Variants in CDC25A observed in about 807,000 individuals in gnomAD.
CDC25A encodes the protein M-phase inducer phosphatase 1.
Under a neutral mutation model 64.6 loss-of-function variants are expected in CDC25A, and 17 were observed. The ratio of observed to expected loss-of-function variants is 0.26; its 90% CI spans 0.18 to 0.39. The LOEUF (loss-of-function observed/expected upper bound fraction) is 0.39. CDC25A is among the 10% of genes least tolerant of loss of function. The pLI is 1.00. For synonymous variants in CDC25A, 229 were observed against 238.6 expected, an observed-to-expected ratio of 0.96 and a Z score of 0.37; for missense variants, 473 against 654.8, an observed-to-expected ratio of 0.72 and a Z score of 3.03.
At chr3:48,176,570 T>C (rs1425586039) in intron 8 of CDC25A, among the ~76,000 whole-genome samples, 10 of 146,018 alleles carry the variant, frequency 6.8e-5, no homozygotes, top group Non-Finnish European at 7.5e-5. Flanking sequence ...AAATATATAT[T>C]ATATATAATT....
intron 8 of CDC25A, 199 bp from the exon 9 acceptor site, chr3:48,174,656 A>AAT: frequency 1.9e-6 from 1 of 520,032 alleles, no homozygotes; most frequent in Non-Finnish European, 3.4e-6. Flanking sequence ...GTGCTCAATG[A>AAT]ATATATACTC....
rs183773167 is a variant in CDC25A, at chr3:48,168,137, G to A, written c.931-193C>T. 2.2e-4 allele frequency among the ~76,000 whole-genome samples: 32 copies of A among 147,668 alleles called. 1 individual carries two copies. The highest frequency in any genetic ancestry group is 1.7e-3 in the Admixed American group (24 of 14,528). ...ATTGACTAGGTCTCCTATTATTCCA[G>A]TGTCTAACCGAATTGCTCTGAAACT... On this transcript the variant is annotated intron_variant, in intron 9 of 14. Transcript: ENST00000302506.
intron 14 of CDC25A, 38 bp downstream of exon 14, chr3:48,159,306 C>T: frequency 2.1e-6 from 3 of 1,451,638 alleles, no homozygotes; most frequent in Non-Finnish European, 2.9e-6. Flanking sequence ...CCACTGGGGG[C>T]AGGGGAGGAG....
chr3:48,168,028 G>C (rs913800948), intron 9 of CDC25A, 84 bp from the exon 10 acceptor site: 5 of 793,464 alleles, frequency 6.3e-6, no homozygotes, highest in South Asian at 3.0e-5. Flanking sequence ...GTCTCGAGGA[G>C]ACTAAAATGT....
rs1272035011 is a variant in CDC25A at position 48,157,324 on chromosome 3, T to C, written c.*1621A>G. The C allele has an allele frequency of 6.6e-6, 1 of 152,372 alleles. No homozygotes were observed. The highest frequency in any genetic ancestry group is 1.5e-5 in the Non-Finnish European group (1 of 68,024). The allele number at this position is 152,372 out of a possible 1,614,324, so 9.4% of individuals were successfully genotyped here. On this transcript the variant is annotated 3_prime_UTR_variant, in exon 15 of 15. Transcript: ENST00000302506. ...TCTTACAAACAATATCATTAACCAG[T>C]TGGAATCTGTCTCAATGCGCGTGTA...
chr3:48,188,056 T>TCAAACA lies in CDC25A; in HGVS notation c.-115_-110dup, dbSNP rs1459730993. ...GCCGCGCGCCACCGGCGCCCGCGGG[T>TCAAACA]CAAACACAAACACGACTCCGCGGTT... On this transcript the variant is annotated 5_prime_UTR_variant, in exon 1 of 15. Transcript: ENST00000302506. 2 of 911,302 alleles carry TCAAACA rather than the reference T, an allele frequency of 2.2e-6. No homozygotes were observed. The highest frequency in any genetic ancestry group is 2.9e-6 in the Non-Finnish European group (2 of 701,532). The allele number at this position is 911,302 out of a possible 1,614,324, so 56.5% of individuals were successfully genotyped here.
intron 13 of CDC25A, among the ~76,000 whole-genome samples, chr3:48,160,582 T>C (rs2031714309): frequency 6.6e-6 from 1 of 152,036 alleles, no homozygotes; most frequent in Admixed American, 6.6e-5. Flanking sequence ...GGCTAATTTT[T>C]GTATTTTTAG....
chr3:48,162,266 T>TGTGTG (rs2031801550), intron 13 of CDC25A, among the ~76,000 whole-genome samples: 1 of 144,692 alleles, frequency 6.9e-6, no homozygotes, highest in Non-Finnish European at 1.5e-5. Flanking sequence ...AGTATAACCT[T>TGTGTG]TGTGTGTGTG....
In CDC25A at chr3:48,180,844, C is replaced by A. The variant is rs2032641255; in HGVS notation, c.430-4G>T. The A allele has an allele frequency of 1.9e-6, 3 of 1,613,858 alleles. No homozygotes were observed. Among genetic ancestry groups the A allele is most frequent in the East Asian group, 2.2e-5 (1 of 44,884 alleles). ...GCTTCTTAAACTCAAAGGCTTCCTGCAAGACATAGTTGAGACATCTACTGT... is the reference window on the plus strand; with the variant it reads ...GCTTCTTAAACTCAAAGGCTTCCTGAAAGACATAGTTGAGACATCTACTGT... On this transcript the variant is annotated splice_polypyrimidine_tract_variant and splice_region_variant and intron_variant, in intron 5 of 14. Transcript: ENST00000302506.
rs984204524 is a variant in CDC25A at position 48,188,131 on chromosome 3, A to T, written c.-184T>A. 5 of 412,160 alleles carry T rather than the reference A, an allele frequency of 1.2e-5. No homozygotes were observed. The highest frequency in any genetic ancestry group is 2.1e-5 in the African/African-American group (1 of 47,642). 25.5% of individuals were successfully genotyped at this position (412,160 alleles called of 1,614,324 possible). A position where few individuals can be genotyped will look rare whatever the true frequency, so the allele number is the denominator to read the frequency against. Reference sequence around the variant, plus strand: ...GCGGCGCGGCCGGGCGGGTGTGCGGACCCTCCAGGCGCCAGCCACCAGCCA... The same window carrying T: ...GCGGCGCGGCCGGGCGGGTGTGCGGTCCCTCCAGGCGCCAGCCACCAGCCA... On this transcript the variant is annotated 5_prime_UTR_variant, in exon 1 of 15. Transcript: ENST00000302506.
At chr3:48,160,026 C>T (rs1207702757) in intron 13 of CDC25A, among the ~76,000 whole-genome samples, 1 of 152,170 alleles carries the variant, frequency 6.6e-6, no homozygotes, top group Non-Finnish European at 1.5e-5. Context: ...TGCTCTGCCC[C>T]TTGTTCACCC....
intron 13 of CDC25A, 90 bp from the exon 14 acceptor site, chr3:48,159,545 C>T (rs1320221249): frequency 5.0e-6 from 4 of 794,728 alleles, no homozygotes; most frequent in Non-Finnish European, 8.7e-6. Flanking sequence ...TGGTCTAAGT[C>T]CCCCTTATAC....
At position 48,177,463 on chromosome 3, in the gene CDC25A, A is replaced by G. The variant is rs538196915; in HGVS notation, c.685-21T>C. The stretch of plus-strand genomic sequence containing the variant: ...TCATTCTAAAGAAACAGAAAAACTG[A>G]TTTTAAAAAGAGCCTGTAGAGACTA... On this transcript the variant is annotated intron_variant, in intron 7 of 14. Coordinates refer to ENST00000302506, the MANE Select transcript of CDC25A (RefSeq NM_001789.3). 1.1e-5 allele frequency: 18 copies of G among 1,600,684 alleles called. No homozygotes were observed. The East Asian group carries it at 4.0e-4, about 36-fold the overall frequency.
intron 9 of CDC25A, 56 bp downstream of exon 9, chr3:48,174,228 T>C: frequency 2.0e-6 from 3 of 1,482,858 alleles, no homozygotes; most frequent in Non-Finnish European, 2.7e-6. Context: ...TAGAAATTTT[T>C]AGAACTGAAA....
At chr3:48,174,133 A>G (rs1456692808) in intron 9 of CDC25A, 151 bp downstream of exon 9, 1 of 680,630 alleles carries the variant, frequency 1.5e-6, no homozygotes, top group African/African-American at 1.8e-5. Flanking sequence ...ATCTCTATTA[A>G]AAGAAACACA....
At chr3:48,187,013 G>C (rs113219424) in intron 1 of CDC25A, among the ~76,000 whole-genome samples, 1 of 152,180 alleles carries the variant, frequency 6.6e-6, no homozygotes, top group East Asian at 1.9e-4. Flanking sequence ...GGTTATGATG[G>C]CTATGGCAAA....
In CDC25A at chr3:48,174,420, C is replaced by T. The variant is rs753163764; in HGVS notation, c.794G>A (p.Cys265Tyr). ...RCKLFDSPSL[C>Y]SSSTRSVLKR... ...CAACACTGACCGAGTGCTGGAGCTA[C>T]ACAGGGAAGGGGAGTCAAACAGCTT... The change falls in exon 9 of 15, where the codon TGT (cysteine) becomes TAT (tyrosine). Residue 265 changes from cysteine to tyrosine, a missense_variant. Coordinates refer to ENST00000302506, the MANE Select transcript of CDC25A (RefSeq NM_001789.3). 2.5e-6 allele frequency: 4 copies of T among 1,613,808 alleles called. No homozygotes were observed. Among genetic ancestry groups the T allele is most frequent in the Admixed American group, 1.7e-5 (1 of 59,942 alleles).
chr3:48,163,232 G>A (rs1222736028), intron 13 of CDC25A, among the ~76,000 whole-genome samples: 9 of 148,066 alleles, frequency 6.1e-5, no homozygotes, highest in Non-Finnish European at 1.2e-4. Context: ...GCAGTGAGCC[G>A]AGATCATGCC....
chr3:48,181,553 G>A (rs1249598521), intron 5 of CDC25A: 4 of 1,558,060 alleles, frequency 2.6e-6, no homozygotes, highest in Non-Finnish European at 3.5e-6. Flanking sequence ...AGCTATCATG[G>A]TGAACTTACT....
Sources: allele counts gnomAD v4.1 joint callset (sites outside exome capture counted in the v4.1 genomes callset), GRCh38; gene constraint gnomAD v4.1.1; transcripts MANE v1.5; gene names NCBI Gene and HGNC (gene_info 2026-07-23, HGNC 2026-07-21).